MAP3K20: variants seen among roughly 807,000 people sequenced by gnomAD.
MAP3K20 encodes HCCS-4.
Under a neutral mutation model 85.7 loss-of-function variants are expected in MAP3K20, and 40 were observed. That is an observed-to-expected ratio of 0.47 (90% confidence interval 0.36 to 0.61). MAP3K20 has a LOEUF of 0.61. Ranked by LOEUF, MAP3K20 falls within the 20% of genes least tolerant of loss-of-function variation. The pLI is 0.00. For missense variants in MAP3K20, 817 were observed against 961.7 expected (o/e 0.85, Z 1.99); for synonymous variants, 325 against 327.7 (o/e 0.99, Z 0.09).
At chr2:173,204,894 G>A (rs1219409331) in intron 9 of MAP3K20, among the ~76,000 whole-genome samples, 1 of 152,066 alleles carries the variant, frequency 6.6e-6, no homozygotes, top group Non-Finnish European at 1.5e-5. Flanking sequence ...ATGAGGTCAG[G>A]AGATCGAGAC....
intron 16 of MAP3K20, among the ~76,000 whole-genome samples, chr2:173,257,729 A>C (rs1013300043): frequency 3.2e-4 from 49 of 152,262 alleles, no homozygotes; most frequent in African/African-American, 1.1e-3. Context: ...AAATTACCAA[A>C]ATTTTTCTGA....
chr2:173,201,891 A>T (rs2106289843), intron 8 of MAP3K20, among the ~76,000 whole-genome samples: 1 of 152,310 alleles, frequency 6.6e-6, no homozygotes, highest in South Asian at 2.1e-4. Flanking sequence ...TTCCTTGTGT[A>T]ATGACTTCGA....
intron 2 of MAP3K20, among the ~76,000 whole-genome samples, chr2:173,135,922 G>A (rs11679192): frequency 0.4 from 60,068 of 151,978 alleles, 12,989 homozygotes; most frequent in African/African-American, 0.56. Context: ...AGGGATTGTA[G>A]CATATAGATT....
chr2:173,110,094 A>G (rs1207003929), intron 2 of MAP3K20, among the ~76,000 whole-genome samples: 5 of 149,630 alleles, frequency 3.3e-5, no homozygotes, highest in African/African-American at 1.2e-4. Context: ...CAAGTTAGTA[A>G]TAAGTAGGAA....
intron 2 of MAP3K20, among the ~76,000 whole-genome samples, chr2:173,101,087 G>A (rs1356503281): frequency 6.6e-6 from 1 of 152,158 alleles, no homozygotes; most frequent in African/African-American, 2.4e-5. Context: ...TTAGGAGAGA[G>A]GTCACTGAGG....
Position 173,179,706 on chromosome 2 carries a change from A to G in MAP3K20, c.248-3148A>G, listed in dbSNP as rs76369725. ...AGGTAGAAAATCCTAAGGAATGCGC[A>G]CACACACACACACACACACACACAC... On this transcript the variant is annotated intron_variant, in intron 3 of 19. Transcript: ENST00000375213. Among the ~76,000 whole-genome samples the G allele has an allele frequency of 2.4e-3, 90 of 38,120 alleles. No homozygotes were observed. The East Asian group carries it at 0.059, about 25-fold the overall frequency. The allele number at this position is 38,120 out of a possible 152,430, so 25.0% of individuals were successfully genotyped here. A position where few individuals can be genotyped will look rare whatever the true frequency, so the allele number is the denominator to read the frequency against.
chr2:173,256,518 T>C (rs62174392), intron 16 of MAP3K20, among the ~76,000 whole-genome samples: 6,432 of 61,624 alleles, frequency 0.1, 210 homozygotes, highest in South Asian at 0.22. Flanking sequence ...GATAGATAGA[T>C]AGATAGATAG....
At chr2:173,126,670 G>A (rs1341489250) in intron 2 of MAP3K20, among the ~76,000 whole-genome samples, 4 of 152,178 alleles carry the variant, frequency 2.6e-5, no homozygotes, top group African/African-American at 4.8e-5. Context: ...GTGAGCCACC[G>A]TGCCCAGCTG....
rs190543548 is a variant in MAP3K20, at chr2:173,216,418, A to C, written c.852-697A>C. Among the ~76,000 whole-genome samples the C allele has an allele frequency of 2.6e-5, 4 of 152,314 alleles. No individual in the cohort carries two copies. The East Asian group carries it at 7.7e-4, about 29-fold the overall frequency. On this transcript the variant is annotated intron_variant, in intron 10 of 19. Transcript: ENST00000375213. ...AAAAATTACTCGGGTCTTTTATAAA[A>C]TAATGAAAATTCCAGGGTCCCACCC...
Position 173,231,364 on chromosome 2 carries a change from G to A in MAP3K20, c.1033-828G>A, listed in dbSNP as rs549160796. Reference sequence around the variant, plus strand: ...TTCTTCCCATTCACTGAGCCCCAGTGAGTCTCACTTTCCTGCCAGCCTTGC... The same window carrying A: ...TTCTTCCCATTCACTGAGCCCCAGTAAGTCTCACTTTCCTGCCAGCCTTGC... On this transcript the variant is annotated intron_variant, in intron 12 of 19. Transcript: ENST00000375213. Among the ~76,000 whole-genome samples the A allele has an allele frequency of 1.9e-4, 29 of 152,356 alleles. No homozygotes were observed. In the East Asian group the frequency reaches 3.9e-3, roughly 20 times the overall value.
intron 2 of MAP3K20, among the ~76,000 whole-genome samples, chr2:173,129,039 T>A (rs1688532068): frequency 6.7e-6 from 1 of 149,684 alleles, no homozygotes. Context: ...TTGTCCTGCC[T>A]CAGCCTCCCG....
intron 3 of MAP3K20, among the ~76,000 whole-genome samples, chr2:173,181,373 A>T (rs973125616): frequency 1.3e-5 from 2 of 151,980 alleles, no homozygotes; most frequent in Admixed American, 1.3e-4. Flanking sequence ...TCAGAAAAAA[A>T]AAAAGACAAT....
At chr2:173,248,786 A>G (rs76775132) in intron 16 of MAP3K20, among the ~76,000 whole-genome samples, 6,416 of 152,260 alleles carry the variant, frequency 0.042, 203 homozygotes, top group South Asian at 0.1. Context: ...GCTGTAAGCA[A>G]TCAGCTCATG....
intron 16 of MAP3K20, among the ~76,000 whole-genome samples, chr2:173,256,242 A>G (rs998028624): frequency 1.3e-5 from 2 of 152,220 alleles, no homozygotes; most frequent in African/African-American, 2.4e-5. Flanking sequence ...TTGCTCTAGG[A>G]AACATTCCAG....
chr2:173,153,160 A>T (rs1322464274), intron 2 of MAP3K20, among the ~76,000 whole-genome samples: 1 of 152,230 alleles, frequency 6.6e-6, no homozygotes, highest in Non-Finnish European at 1.5e-5. Context: ...TACCACATTC[A>T]GCTGATAATC....
chr2:173,091,644 T>C (rs1341503495), intron 2 of MAP3K20, among the ~76,000 whole-genome samples: 1 of 152,200 alleles, frequency 6.6e-6, no homozygotes, highest in African/African-American at 2.4e-5. Flanking sequence ...AACTGAAATA[T>C]GCAGTACCTG....
At chr2:173,225,922 A>T (rs1398208925) in intron 11 of MAP3K20, 2 of 971,992 alleles carry the variant, frequency 2.1e-6, no homozygotes, top group Non-Finnish European at 2.4e-6. Context: ...AAAAAAAAAG[A>T]AAAAAAACTC....
At position 173,078,631 on chromosome 2, in the gene MAP3K20, C is replaced by T. The variant is rs549157945; in HGVS notation, c.-35+2629C>T. On this transcript the variant is annotated intron_variant, in intron 1 of 19. Transcript: ENST00000375213. ...CGTCCTAATAGCTGTTAAGTAATCCCAGCACAGTAGAAGAATCTGTGAGAA... is the reference window on the plus strand; with the variant it reads ...CGTCCTAATAGCTGTTAAGTAATCCTAGCACAGTAGAAGAATCTGTGAGAA... Among the ~76,000 whole-genome samples, 5 of 152,284 alleles carry T rather than the reference C, an allele frequency of 3.3e-5. No individual in the cohort carries two copies. In the South Asian group the frequency reaches 1.0e-3, roughly 32 times the overall value.
upstream of MAP3K20, chr2:173,075,702 C>A (rs920248543): frequency 1.1e-6 from 1 of 937,810 alleles, no homozygotes; most frequent in Non-Finnish European, 1.2e-6. Flanking sequence ...GGTGCCGGGG[C>A]GCGGGGCGGA....
Sources: allele counts gnomAD v4.1 joint callset (sites outside exome capture counted in the v4.1 genomes callset), GRCh38; gene constraint gnomAD v4.1.1; transcripts MANE v1.5; gene names NCBI Gene and HGNC (gene_info 2026-07-23, HGNC 2026-07-21).